The following PCBP2 variants were observed in gnomAD, a reference collection of about 807,000 sequenced individuals.
The protein encoded by PCBP2 is poly(rC)-binding protein 2.
A neutral mutation model predicts 50.1 loss-of-function variants in PCBP2; 4 were observed. That is an observed-to-expected ratio of 0.08 (90% CI 0.04 to 0.18). The LOEUF is 0.18. Ranked by LOEUF, PCBP2 falls within the 10% of genes least tolerant of loss-of-function variation. The probability of loss-of-function intolerance (pLI) is 1.00; values close to 1 mark genes in which losing one functional copy is unlikely to be tolerated. For synonymous variants in PCBP2, 179 were observed against 168.0 expected (o/e 1.07, Z -0.51); for missense variants, 161 against 474.3 (o/e 0.34, Z 6.14).
intron 13 of PCBP2, among the ~76,000 whole-genome samples, chr12:53,471,001 C>A (rs1368579713): frequency 6.6e-6 from 1 of 151,906 alleles, no homozygotes; most frequent in African/African-American, 2.4e-5. Flanking sequence ...AATACTTGGA[C>A]CTAAGAGTAT....
At chr12:53,466,960 T>C (rs1183444979) in intron 10 of PCBP2, among the ~76,000 whole-genome samples, 1 of 152,140 alleles carries the variant, frequency 6.6e-6, no homozygotes, top group Non-Finnish European at 1.5e-5. Flanking sequence ...GGGATGGTCG[T>C]TGGGCAAGTG....
At chr12:53,473,108 G>A (rs372139977) in intron 14 of PCBP2, among the ~76,000 whole-genome samples, 11 of 143,996 alleles carry the variant, frequency 7.6e-5, no homozygotes, top group Admixed American at 3.5e-4. Context: ...TTTTTGAGAC[G>A]GAGTCTTGCT....
intron 4 of PCBP2, 42 bp from the exon 5 acceptor site, chr12:53,455,843 C>T (rs1025178107): frequency 7.5e-7 from 1 of 1,332,678 alleles, no homozygotes; most frequent in Non-Finnish European, 1.1e-6. Flanking sequence ...ATACTCAGAT[C>T]TTCTTTGTTT....
chr12:53,472,951 T>A (rs1272867010), intron 14 of PCBP2, among the ~76,000 whole-genome samples: 1 of 152,212 alleles, frequency 6.6e-6, no homozygotes, highest in Non-Finnish European at 1.5e-5. Context: ...TAGTAAACTT[T>A]TGCACCAAGG....
intron 8 of PCBP2, among the ~76,000 whole-genome samples, chr12:53,463,560 T>A (rs1249498559): frequency 6.6e-6 from 1 of 152,212 alleles, no homozygotes; most frequent in Non-Finnish European, 1.5e-5. Context: ...ATGATTAAAA[T>A]ATGTGGGAGG....
At chr12:53,468,943 C>G in intron 13 of PCBP2, 111 bp downstream of exon 13, 2 of 766,774 alleles carry the variant, frequency 2.6e-6, no homozygotes, top group Non-Finnish European at 4.2e-6. Context: ...TTTTAAACAG[C>G]CCAGGCTGTA....
At position 53,459,292 on chromosome 12, in the gene PCBP2, C is replaced by G; in HGVS notation, c.264C>G (p.Thr88=). The G allele has an allele frequency of 1.2e-6, 2 of 1,612,244 alleles. No individual in the cohort carries two copies. Among genetic ancestry groups the G allele is most frequent in the Non-Finnish European group, 1.7e-6 (2 of 1,178,996 alleles). The change falls in exon 6 of 15, where the codon ACC becomes ACG. Residue 88 remains threonine (T), a synonymous_variant. Coordinates refer to ENST00000546463, the MANE Select transcript of PCBP2 (RefSeq NM_031989.5). ...TGTAGGACATAAGCAGCTCTATGACCAATAGCACAGCTGCCAGTAGACCCC... is the reference window on the plus strand; with the variant it reads ...TGTAGGACATAAGCAGCTCTATGACGAATAGCACAGCTGCCAGTAGACCCC... ...KLEEDISSSM[T]NSTAASRPPV...
chr12:53,474,551 G>A (rs764854465), intron 14 of PCBP2, among the ~76,000 whole-genome samples: 1 of 152,168 alleles, frequency 6.6e-6, no homozygotes, highest in Non-Finnish European at 1.5e-5. Flanking sequence ...TTTTCTACCC[G>A]AAATCATTCC....
chr12:53,471,109 T>G (rs1473122156), intron 13 of PCBP2, among the ~76,000 whole-genome samples: 1 of 151,948 alleles, frequency 6.6e-6, no homozygotes, highest in Non-Finnish European at 1.5e-5. Context: ...AGAGTTGAGT[T>G]TTTTGATCAA....
intron 7 of PCBP2, among the ~76,000 whole-genome samples, chr12:53,461,387 C>T (rs564030013): frequency 1.3e-5 from 2 of 152,234 alleles, no homozygotes; most frequent in African/African-American, 2.4e-5. Flanking sequence ...GTAGCAGAGT[C>T]GGGGAGAAGA....
At chr12:53,457,773 T>A (rs1443633658) in intron 5 of PCBP2, among the ~76,000 whole-genome samples, 1 of 152,196 alleles carries the variant, frequency 6.6e-6, no homozygotes, top group Non-Finnish European at 1.5e-5. Context: ...AGGTCTCTAG[T>A]TATCAGCCTA....
rs1565870900 is a variant in PCBP2 at position 53,471,601 on chromosome 12, C to CT, written c.883-36dup. 5 of 1,576,878 alleles carry CT rather than the reference C, an allele frequency of 3.2e-6. No individual in the cohort carries two copies. In the East Asian group the frequency reaches 6.7e-5, roughly 21 times the overall value. ...GATTCTTAGACCTAGCCATGCAACT[C>CT]TAATTCGGTGTGCCTTGTTTTTCTT... On this transcript the variant is annotated intron_variant, in intron 13 of 14. Transcript: ENST00000546463.
chr12:53,469,486 C>T (rs996912238), intron 13 of PCBP2, among the ~76,000 whole-genome samples: 18 of 151,694 alleles, frequency 1.2e-4, no homozygotes, highest in Non-Finnish European at 2.4e-4. Context: ...TTTGGGAGGC[C>T]GAGGCGGGTG....
intron 6 of PCBP2, chr12:53,460,143 A>G (rs1040495259): frequency 1.8e-5 from 4 of 227,314 alleles, no homozygotes; most frequent in African/African-American, 9.5e-5. Flanking sequence ...GTAATTCTAC[A>G]TCTTTTTTTT....
chr12:53,456,813 C>T (rs1592637311), intron 5 of PCBP2, among the ~76,000 whole-genome samples: 1 of 152,150 alleles, frequency 6.6e-6, no homozygotes, highest in South Asian at 2.1e-4. Flanking sequence ...TTCAGTCCCT[C>T]CCTCTCTCCC....
intron 9 of PCBP2, 148 bp from the exon 10 acceptor site, chr12:53,465,784 G>A: frequency 1.5e-6 from 1 of 656,670 alleles, no homozygotes. Flanking sequence ...GACCATATTT[G>A]TGAGATTCCA....
intron 14 of PCBP2, chr12:53,474,784 G>A: frequency 2.9e-6 from 1 of 348,346 alleles, no homozygotes; most frequent in Non-Finnish European, 5.7e-6. Flanking sequence ...TATAACTGAA[G>A]CAGTTTTTGT....
chr12:53,461,095 A>G lies in PCBP2; in HGVS notation c.456A>G (p.Pro152=). The part of the protein sequence containing the change: ...TERAITIAGI[P]QSIIECVKQI... ...GGGCCATCACTATTGCTGGCATTCC[A>G]CAATCCATCATTGAGTGTGTCAAAC... is the stretch of plus-strand genomic sequence containing the variant. Residue 152 remains proline, a synonymous_variant, in exon 7 of 15, where the codon CCA becomes CCG. Coordinates refer to ENST00000546463, the MANE Select transcript of PCBP2 (RefSeq NM_031989.5). 1 of 1,614,096 alleles carries G rather than the reference A, an allele frequency of 6.2e-7. No individual in the cohort carries two copies. Among genetic ancestry groups the G allele is most frequent in the Non-Finnish European group, 8.5e-7 (1 of 1,179,996 alleles).
chr12:53,480,353 C>T lies in PCBP2; in HGVS notation c.*911C>T, dbSNP rs910025140. On this transcript the variant is annotated 3_prime_UTR_variant, in exon 15 of 15. Transcript: ENST00000546463. ...TAGAAAGTTGGGGCTTGACATTATA[C>T]TCATTTAGTGAGAGTAGATGCAAAA... The T allele has an allele frequency of 6.6e-6, 1 of 152,268 alleles. No homozygotes were observed. The highest frequency in any genetic ancestry group is 2.4e-5 in the African/African-American group (1 of 41,416). 9.4% of individuals were successfully genotyped at this position (152,268 alleles called of 1,614,324 possible).
Sources: allele counts gnomAD v4.1 joint callset (sites outside exome capture counted in the v4.1 genomes callset), GRCh38; gene constraint gnomAD v4.1.1; transcripts MANE v1.5; gene names NCBI Gene and HGNC (gene_info 2026-07-23, HGNC 2026-07-21).